Variants in MALRD1 observed in about 807,000 individuals in gnomAD.
MALRD1 encodes MAM and LDL receptor class A domain containing 1.
In MALRD1, 247 loss-of-function variants were observed where a neutral mutation model predicts 242.1. That is an observed-to-expected ratio of 1.02 (90% CI 0.92 to 1.13). The LOEUF (loss-of-function observed/expected upper bound fraction) is 1.13. Ranked by LOEUF, MALRD1 falls within the 50% of genes most tolerant of loss-of-function variation. The pLI is 0.00. For synonymous variants in MALRD1, 995 were observed against 866.6 expected, an observed-to-expected ratio of 1.15 and a Z score of -2.60; for missense variants, 2,989 against 2,533.1, an observed-to-expected ratio of 1.18 and a Z score of -3.86.
At chr10:19,244,248 C>T (rs772402089) in intron 18 of MALRD1, among the ~76,000 whole-genome samples, 11 of 152,118 alleles carry the variant, frequency 7.2e-5, no homozygotes, top group African/African-American at 2.4e-4. Flanking sequence ...TTTCCTTGCA[C>T]GCTTAGATAA....
chr10:19,561,809 G>A (rs553596587), intron 32 of MALRD1, among the ~76,000 whole-genome samples: 2 of 152,056 alleles, frequency 1.3e-5, no homozygotes, highest in Non-Finnish European at 2.9e-5. Flanking sequence ...GAACTAGAGG[G>A]GATGGGGTTT....
At chr10:19,397,299 G>C (rs1039470601) in intron 28 of MALRD1, among the ~76,000 whole-genome samples, 2 of 151,998 alleles carry the variant, frequency 1.3e-5, no homozygotes, top group Admixed American at 6.6e-5. Flanking sequence ...GCTTCTATGA[G>C]ATACATGTTT....
At chr10:19,280,276 A>T in intron 20 of MALRD1, 53 bp downstream of exon 20, 1 of 1,352,580 alleles carries the variant, frequency 7.4e-7, no homozygotes, top group Admixed American at 3.2e-5. Flanking sequence ...AGAAAATGCA[A>T]GTGTAATCTC....
rs1281983107 is a variant in MALRD1, at chr10:19,694,063, A to G, written c.6314+1509A>G. The stretch of plus-strand genomic sequence containing the variant: ...ACTGGATCCCTTCCTTACACCTTAT[A>G]CAAAAATTAATTCAAGATGGATTAA... On this transcript the variant is annotated intron_variant, in intron 38 of 39. Transcript: ENST00000454679. 3.3e-5 allele frequency among the ~76,000 whole-genome samples: 5 copies of G among 152,262 alleles called. No homozygotes were observed. In the East Asian group the frequency reaches 9.7e-4, roughly 29 times the overall value.
chr10:19,592,634 A>G (rs891893779), intron 33 of MALRD1, among the ~76,000 whole-genome samples: 1 of 152,186 alleles, frequency 6.6e-6, no homozygotes, highest in Non-Finnish European at 1.5e-5. Flanking sequence ...TCTGAGTGCC[A>G]TTCAGTAAAA....
At chr10:19,189,982 CA>C (rs1474418411) in intron 14 of MALRD1, among the ~76,000 whole-genome samples, 4 of 151,378 alleles carry the variant, frequency 2.6e-5, no homozygotes, top group Admixed American at 2.6e-4. Flanking sequence ...TAAAACATAA[CA>C]AAAAAGAAAA....
At chr10:19,591,565 C>G (rs1358290332) in intron 33 of MALRD1, among the ~76,000 whole-genome samples, 3 of 136,944 alleles carry the variant, frequency 2.2e-5, no homozygotes, top group Non-Finnish European at 4.6e-5. Flanking sequence ...GTTGCACTAT[C>G]TTGGCTCACT....
At chr10:19,709,389 C>G (rs917261097) in intron 38 of MALRD1, among the ~76,000 whole-genome samples, 3 of 152,052 alleles carry the variant, frequency 2.0e-5, no homozygotes, top group Non-Finnish European at 4.4e-5. Flanking sequence ...GGCCACTGCA[C>G]TCTAGCCTGG....
intron 13 of MALRD1, among the ~76,000 whole-genome samples, chr10:19,167,886 G>A (rs117153794): frequency 1.1e-4 from 16 of 152,310 alleles, no homozygotes; most frequent in Non-Finnish European, 2.2e-4. Context: ...TAGGGCATAA[G>A]CATCAACTGT....
At chr10:19,504,632 T>C in intron 31 of MALRD1, among the ~76,000 whole-genome samples, 1 of 147,030 alleles carries the variant, frequency 6.8e-6, no homozygotes, top group East Asian at 2.1e-4. Flanking sequence ...CACACACATA[T>C]ACAAAAACAT....
chr10:19,601,197 A>G (rs1838324695), intron 34 of MALRD1, among the ~76,000 whole-genome samples: 1 of 152,128 alleles, frequency 6.6e-6, no homozygotes, highest in Non-Finnish European at 1.5e-5. Context: ...AATATTTTAT[A>G]GATATTAAAA....
At chr10:19,713,809 G>T (rs1181689437) in intron 38 of MALRD1, among the ~76,000 whole-genome samples, 1 of 152,214 alleles carries the variant, frequency 6.6e-6, no homozygotes, top group Non-Finnish European at 1.5e-5. Flanking sequence ...TCTGGTTCTG[G>T]AGTTAGCAAA....
intron 38 of MALRD1, chr10:19,722,582 C>T (rs1248868949): frequency 2.3e-5 from 1 of 43,148 alleles, no homozygotes. Flanking sequence ...AGAGCAAGAC[C>T]ATGTCTCTAA....
At chr10:19,732,961 A>G (rs928638399) in intron 39 of MALRD1, among the ~76,000 whole-genome samples, 1 of 152,216 alleles carries the variant, frequency 6.6e-6, no homozygotes, top group Admixed American at 6.5e-5. Context: ...TCCTTTCATT[A>G]TGAATGGCTA....
intron 32 of MALRD1, among the ~76,000 whole-genome samples, chr10:19,565,274 A>G (rs938425300): frequency 6.6e-6 from 1 of 152,164 alleles, no homozygotes; most frequent in African/African-American, 2.4e-5. Flanking sequence ...TGAATTTGAC[A>G]AGAGCATGTA....
intron 14 of MALRD1, among the ~76,000 whole-genome samples, chr10:19,202,832 A>G (rs1205160008): frequency 2.6e-5 from 4 of 152,172 alleles, no homozygotes; most frequent in Admixed American, 6.5e-5. Context: ...CTTATTGTCA[A>G]CAGTTGCGGA....
intron 1 of MALRD1, chr10:19,051,827 C>G (rs1834507915): frequency 1.3e-5 from 2 of 150,348 alleles, no homozygotes; most frequent in South Asian, 3.6e-4. Context: ...GAGGCTGAGG[C>G]AGGAGAATGG....
At chr10:19,515,247 A>T (rs980581518) in intron 31 of MALRD1, among the ~76,000 whole-genome samples, 1 of 152,132 alleles carries the variant, frequency 6.6e-6, no homozygotes, top group African/African-American at 2.4e-5. Context: ...CAAATAATGA[A>T]CTCTTAGTGA....
chr10:19,444,982 T>C (rs1834886349), intron 28 of MALRD1, among the ~76,000 whole-genome samples: 1 of 152,346 alleles, frequency 6.6e-6, no homozygotes, highest in South Asian at 2.1e-4. Flanking sequence ...TAGTCCCATA[T>C]TTCTTGGAGG....
Sources: allele counts gnomAD v4.1 joint callset (sites outside exome capture counted in the v4.1 genomes callset), GRCh38; gene constraint gnomAD v4.1.1; transcripts MANE v1.5; gene names NCBI Gene and HGNC (gene_info 2026-07-23, HGNC 2026-07-21).